CDKAL1: variants seen among roughly 807,000 people sequenced by gnomAD.
The protein encoded by CDKAL1 is CDKAL1 threonylcarbamoyladenosine tRNA methylthiotransferase.
CDKAL1 carries 32 observed loss-of-function variants against 68.2 expected under a neutral mutation model. The observed-to-expected ratio is 0.47, with a 90% CI of 0.35 to 0.63. CDKAL1 has a LOEUF of 0.63. Ranked by LOEUF, CDKAL1 falls within the 30% of genes least tolerant of loss-of-function variation. The pLI is 0.00. For missense variants in CDKAL1, 606 were observed against 696.7 expected (o/e 0.87, Z 1.47); for synonymous variants, 234 against 244.3 (o/e 0.96, Z 0.39).
At chr6:20,634,146 G>A (rs1168376309) in intron 4 of CDKAL1, among the ~76,000 whole-genome samples, 3 of 152,188 alleles carry the variant, frequency 2.0e-5, no homozygotes, top group African/African-American at 7.2e-5. Flanking sequence ...TGAATGGAAA[G>A]CAGATGTTTT....
At position 20,844,293 on chromosome 6, in the gene CDKAL1, A is replaced by G. The variant is rs758368481; in HGVS notation, c.639-1782A>G. 2.0e-5 allele frequency among the ~76,000 whole-genome samples: 3 copies of G among 152,196 alleles called. No individual in the cohort carries two copies. The East Asian group carries it at 5.8e-4, about 29-fold the overall frequency. ...TATATTTGAATATATATGCTATATT[A>G]GTTTAAATCTCATGTCAGATGATTT... On this transcript the variant is annotated intron_variant, in intron 8 of 15. Transcript: ENST00000274695.
intron 8 of CDKAL1, among the ~76,000 whole-genome samples, chr6:20,816,602 T>C (rs1439421307): frequency 1.3e-5 from 2 of 152,126 alleles, no homozygotes; most frequent in East Asian, 3.9e-4. Flanking sequence ...ATAATTTAAT[T>C]GTATTATATC....
At chr6:20,966,247 A>C (rs1462061526) in intron 10 of CDKAL1, among the ~76,000 whole-genome samples, 1 of 152,214 alleles carries the variant, frequency 6.6e-6, no homozygotes, top group African/African-American at 2.4e-5. Flanking sequence ...TCTGTTCTCT[A>C]CATCTTCCTG....
intron 4 of CDKAL1, among the ~76,000 whole-genome samples, chr6:20,608,482 T>G (rs1395778350): frequency 6.6e-6 from 1 of 152,232 alleles, no homozygotes; most frequent in Admixed American, 6.5e-5. Flanking sequence ...GTTATATCCT[T>G]GACGAGGACA....
In CDKAL1 at chr6:21,201,299, T is replaced by C. The variant is rs892824079; in HGVS notation, c.1548+25T>C. ...GGTAAGTAAAAGATGCTCTCCTCTC[T>C]ACCCTGCTAGTAAAACAGCAGCTGT... is the stretch of plus-strand genomic sequence containing the variant. On this transcript the variant is annotated intron_variant, in intron 15 of 15. Coordinates refer to ENST00000274695, the MANE Select transcript of CDKAL1 (RefSeq NM_017774.3). The C allele has an allele frequency of 2.5e-6, 4 of 1,573,640 alleles. No individual in the cohort carries two copies. The Admixed American group carries it at 5.1e-5, about 20-fold the overall frequency.
chr6:20,558,042 A>G (rs1416172126), intron 4 of CDKAL1, among the ~76,000 whole-genome samples: 2 of 152,220 alleles, frequency 1.3e-5, no homozygotes, highest in Non-Finnish European at 2.9e-5. Context: ...ATTTGCATGA[A>G]CTGAGATTAT....
chr6:20,632,734 T>C (rs1439987639), intron 4 of CDKAL1, among the ~76,000 whole-genome samples: 2 of 152,246 alleles, frequency 1.3e-5, no homozygotes, highest in South Asian at 2.1e-4. Context: ...AATAATAGCA[T>C]AGTCTCTTCT....
intron 9 of CDKAL1, among the ~76,000 whole-genome samples, chr6:20,943,392 G>A (rs1224052919): frequency 2.7e-5 from 4 of 149,806 alleles, no homozygotes; most frequent in Admixed American, 2.7e-4. Flanking sequence ...GTACTTTGAT[G>A]TGGCTTCTTT....
At chr6:21,086,723 A>G (rs1772715948) in intron 12 of CDKAL1, among the ~76,000 whole-genome samples, 1 of 152,086 alleles carries the variant, frequency 6.6e-6, no homozygotes, top group East Asian at 1.9e-4. Flanking sequence ...ACTGCCCAAG[A>G]CCAGCTTTAA....
intron 12 of CDKAL1, among the ~76,000 whole-genome samples, chr6:21,095,073 A>C (rs1169764997): frequency 6.6e-6 from 1 of 152,198 alleles, no homozygotes; most frequent in Non-Finnish European, 1.5e-5. Flanking sequence ...GTGGATGGTT[A>C]GGACCTCTTG....
intron 11 of CDKAL1, among the ~76,000 whole-genome samples, chr6:21,011,565 G>A (rs181635197): frequency 6.6e-6 from 1 of 152,236 alleles, no homozygotes; most frequent in Admixed American, 6.5e-5. Context: ...AGTAAAACTT[G>A]GTAACTGTCT....
At chr6:20,979,557 C>T (rs1037403530) in intron 10 of CDKAL1, among the ~76,000 whole-genome samples, 1 of 151,830 alleles carries the variant, frequency 6.6e-6, no homozygotes, top group Non-Finnish European at 1.5e-5. Flanking sequence ...TTGATAGGAA[C>T]ATGTTTCCCG....
At chr6:20,702,871 C>G (rs1771432561) in intron 5 of CDKAL1, among the ~76,000 whole-genome samples, 1 of 152,192 alleles carries the variant, frequency 6.6e-6, no homozygotes, top group Non-Finnish European at 1.5e-5. Flanking sequence ...CTCTACCCAG[C>G]ACTTCCCTTC....
intron 13 of CDKAL1, among the ~76,000 whole-genome samples, chr6:21,154,682 G>A (rs146431405): frequency 3.3e-3 from 495 of 152,266 alleles, no homozygotes; most frequent in African/African-American, 0.011. Context: ...ACTCTACAAT[G>A]TGTAAAATAT....
At chr6:20,559,663 A>G (rs182346015) in intron 4 of CDKAL1, 26 of 152,318 alleles carry the variant, frequency 1.7e-4, no homozygotes, top group African/African-American at 1.9e-4. Flanking sequence ...ATAAACTGCT[A>G]TGGAGTGCTG....
At chr6:20,945,070 G>T (rs182082672) in intron 9 of CDKAL1, among the ~76,000 whole-genome samples, 1 of 33,736 alleles carries the variant, frequency 3.0e-5, no homozygotes, top group South Asian at 1.7e-3. Context: ...GCACACACAC[G>T]TACACACACA....
chr6:21,160,199 A>G lies in CDKAL1; in HGVS notation c.1300-37822A>G, dbSNP rs576835445. 1.1e-4 allele frequency among the ~76,000 whole-genome samples: 16 copies of G among 152,332 alleles called. No homozygotes were observed. In the South Asian group the frequency reaches 2.1e-3, roughly 20 times the overall value. Reference sequence around the variant, plus strand: ...TTTGAAAGTTTCCGTGGAAGAATCAATAAGTCGCTTTTGGCTCTAAAATGG... The same window carrying G: ...TTTGAAAGTTTCCGTGGAAGAATCAGTAAGTCGCTTTTGGCTCTAAAATGG... On this transcript the variant is annotated intron_variant, in intron 13 of 15. Coordinates refer to ENST00000274695, the MANE Select transcript of CDKAL1 (RefSeq NM_017774.3).
chr6:20,964,743 C>T (rs1765220638), intron 10 of CDKAL1, among the ~76,000 whole-genome samples: 1 of 152,094 alleles, frequency 6.6e-6, no homozygotes. Context: ...CCCCATGACA[C>T]AAGTTTACCT....
intron 9 of CDKAL1, among the ~76,000 whole-genome samples, chr6:20,926,925 T>TTATA (rs933715033): frequency 5.4e-5 from 8 of 147,078 alleles, no homozygotes; most frequent in African/African-American, 1.7e-4. Flanking sequence ...ATATATATTT[T>TTATA]TATATATATA....
Sources: gnomAD v4.1 joint callset for allele counts (sites outside exome capture counted in the v4.1 genomes callset) on GRCh38, gnomAD v4.1.1 for gene constraint, MANE v1.5 for transcripts, NCBI Gene and HGNC (gene_info 2026-07-23, HGNC 2026-07-21) for gene names.